The following RTKN variants were observed in gnomAD, a reference collection of about 807,000 sequenced individuals.
RTKN encodes the protein rhotekin.
In RTKN, 49 loss-of-function variants were observed where a neutral mutation model predicts 63.5. The ratio of observed to expected loss-of-function variants is 0.77; its 90% CI spans 0.61 to 0.98. The LOEUF (loss-of-function observed/expected upper bound fraction) is 0.98, where lower values mean the gene tolerates loss of function less well. RTKN is among the 50% of genes least tolerant of loss of function. The probability of loss-of-function intolerance (pLI) is 0.00; values close to 1 mark genes in which losing one functional copy is unlikely to be tolerated. For synonymous variants in RTKN, 295 were observed against 290.4 expected, an observed-to-expected ratio of 1.02 and a Z score of -0.16; for missense variants, 685 against 740.8, an observed-to-expected ratio of 0.92 and a Z score of 0.87.
rs748197311 is a variant in RTKN at position 74,426,197 on chromosome 2, G to C, written c.*46C>G. 1.9e-6 allele frequency: 3 copies of C among 1,550,046 alleles called. No individual in the cohort carries two copies. The highest frequency in any genetic ancestry group is 2.3e-5 in the South Asian group (2 of 88,280). On this transcript the variant is annotated 3_prime_UTR_variant, in exon 12 of 12. Coordinates refer to ENST00000272430, the MANE Select transcript of RTKN (RefSeq NM_001015055.2). ...CGTATCCAGAGCCCAACTGCGCATG[G>C]GTCATTTTCTCTTCTGGGCAGATCC...
chr2:74,437,499 C>G (rs961105436), intron 1 of RTKN, among the ~76,000 whole-genome samples: 2 of 152,096 alleles, frequency 1.3e-5, no homozygotes, highest in African/African-American at 2.4e-5. Flanking sequence ...CTTGAACAGG[C>G]CTTCCACAGA....
chr2:74,439,593 G>A, intron 1 of RTKN: 3 of 1,614,116 alleles, frequency 1.9e-6, no homozygotes, highest in Non-Finnish European at 2.5e-6. Context: ...GCATATTCAG[G>A]TCCTCCAGGA....
intron 1 of RTKN, among the ~76,000 whole-genome samples, chr2:74,438,344 G>A (rs185244679): frequency 2.6e-5 from 4 of 152,130 alleles, no homozygotes; most frequent in African/African-American, 2.4e-5. Flanking sequence ...TCTCCACCAT[G>A]AGCATTTTAA....
intron 10 of RTKN, 59 bp downstream of exon 10, chr2:74,427,365 G>C: frequency 1.2e-6 from 2 of 1,608,018 alleles, no homozygotes; most frequent in South Asian, 2.2e-5. Context: ...GAGGCCTTTA[G>C]TAAAAATGAC....
chr2:74,428,165 C>T, intron 9 of RTKN, 103 bp downstream of exon 9: 1 of 1,496,034 alleles, frequency 6.7e-7, no homozygotes, highest in East Asian at 2.3e-5. Context: ...GAGCAGGAGG[C>T]CTGCTTCTAT....
chr2:74,432,682 G>A lies in RTKN; in HGVS notation c.112-16C>T, dbSNP rs1670826553. 5 of 1,612,918 alleles carry A rather than the reference G, an allele frequency of 3.1e-6. No homozygotes were observed. Among genetic ancestry groups the A allele is most frequent in the Non-Finnish European group, 4.2e-6 (5 of 1,179,088 alleles). ...ACTCCGTGTCCTAGCCAGGGTTGGGGGAAGGGTGAGAAGGAAATGTCAGTC... is the reference window on the plus strand; with the variant it reads ...ACTCCGTGTCCTAGCCAGGGTTGGGAGAAGGGTGAGAAGGAAATGTCAGTC... On this transcript the variant is annotated splice_polypyrimidine_tract_variant and intron_variant, in intron 1 of 11. Coordinates refer to ENST00000272430, the MANE Select transcript of RTKN (RefSeq NM_001015055.2).
chr2:74,430,759 C>A, intron 2 of RTKN, 82 bp from the exon 3 acceptor site: 1 of 1,355,904 alleles, frequency 7.4e-7, no homozygotes, highest in South Asian at 1.3e-5. Flanking sequence ...TAGGATCCCC[C>A]TGATCCCAGC....
chr2:74,436,574 T>C lies in RTKN; in HGVS notation c.112-3908A>G, dbSNP rs922607815. On this transcript the variant is annotated intron_variant, in intron 1 of 11. Coordinates refer to ENST00000272430, the MANE Select transcript of RTKN (RefSeq NM_001015055.2). This position sits in a 1 kb window ranked among gnomAD's most constrained non-coding sequence, Gnocchi z 4.3. ...CCGGGAGGCCCCTCCCGCGTAGCGT[T>C]TGCCCTCCAAGGTGACCCCTTGCCT... 6.6e-6 allele frequency among the ~76,000 whole-genome samples: 1 copy of C among 152,136 alleles called. No homozygotes were observed.
At chr2:74,435,431 T>C (rs1438784580) in intron 1 of RTKN, among the ~76,000 whole-genome samples, 10 of 152,210 alleles carry the variant, frequency 6.6e-5, no homozygotes, top group Admixed American at 5.9e-4. Context: ...AATGACGCTA[T>C]ACTTTGGTGG....
At chr2:74,438,916 T>C (rs1168009485) in intron 1 of RTKN, among the ~76,000 whole-genome samples, 1 of 152,274 alleles carries the variant, frequency 6.6e-6, no homozygotes, top group Non-Finnish European at 1.5e-5. Context: ...AATGGAACTT[T>C]CTTGTCTTAT....
intron 1 of RTKN, 81 bp from the exon 2 acceptor site, chr2:74,432,747 T>G: frequency 3.2e-6 from 4 of 1,262,076 alleles, no homozygotes; most frequent in Non-Finnish European, 4.5e-6. Flanking sequence ...CCAGGTGGGC[T>G]GTGGCCAGTA....
At chr2:74,430,732 T>A in intron 2 of RTKN, 55 bp from the exon 3 acceptor site, 1 of 1,546,178 alleles carries the variant, frequency 6.5e-7, no homozygotes, top group Non-Finnish European at 8.8e-7. Context: ...TCCCCCTTGC[T>A]CTGGTCCCAA....
intron 1 of RTKN, chr2:74,439,706 T>G (rs745627505): frequency 2.3e-4 from 367 of 1,579,006 alleles, no homozygotes; most frequent in Middle Eastern, 5.0e-4. Context: ...CAGTTCCTCC[T>G]CCCACTGTTC....
intron 1 of RTKN, 50 bp from the exon 2 acceptor site, chr2:74,432,716 G>C (rs770993058): frequency 3.9e-6 from 6 of 1,553,354 alleles, no homozygotes; most frequent in Middle Eastern, 1.7e-4. Context: ...TCAGTGGACA[G>C]GCTAAAGCAC....
At chr2:74,441,113 G>A (rs534629255) in intron 1 of RTKN, among the ~76,000 whole-genome samples, 2 of 152,388 alleles carry the variant, frequency 1.3e-5, no homozygotes, top group South Asian at 4.1e-4. Context: ...GCTCAGCCTA[G>A]GGGCTGGACT....
intron 1 of RTKN, among the ~76,000 whole-genome samples, chr2:74,437,091 T>A (rs1029570216): frequency 2.6e-5 from 4 of 152,130 alleles, no homozygotes; most frequent in African/African-American, 4.8e-5. Flanking sequence ...CTACCCTTTT[T>A]TCCCTTCAGA....
rs113220254 is a variant in RTKN at position 74,436,354 on chromosome 2, C to T, written c.112-3688G>A. Among the ~76,000 whole-genome samples the T allele has an allele frequency of 2.0e-3, 306 of 152,358 alleles. 2 individuals carry two copies. Among genetic ancestry groups the T allele is most frequent in the African/African-American group, 6.9e-3 (285 of 41,586 alleles). ...GCCTCCAGCTGCAGCGCTCAGGACG[C>T]CGGTGACATCAGCTCCCAATTGCCG... is the stretch of plus-strand genomic sequence containing the variant. On this transcript the variant is annotated intron_variant, in intron 1 of 11. Coordinates refer to ENST00000272430, the MANE Select transcript of RTKN (RefSeq NM_001015055.2). The surrounding 1 kb of genome is among the most constrained non-coding windows in gnomAD (Gnocchi z 4.3).
intron 1 of RTKN, among the ~76,000 whole-genome samples, chr2:74,433,403 A>G (rs1047860850): frequency 6.6e-6 from 1 of 152,142 alleles, no homozygotes. Flanking sequence ...CCTTTAATTC[A>G]GCTATCCAAT....
At chr2:74,427,397 G>T (rs201292699) in intron 10 of RTKN, 27 bp downstream of exon 10, 622 of 1,612,542 alleles carry the variant, frequency 3.9e-4, no homozygotes, top group Non-Finnish European at 4.9e-4. Flanking sequence ...CTTCCCAAAG[G>T]TTCAACCCAG....
Sources: allele counts gnomAD v4.1 joint callset (sites outside exome capture counted in the v4.1 genomes callset), GRCh38; gene constraint gnomAD v4.1.1; non-coding constraint Gnocchi (gnomAD v3.1); transcripts MANE v1.5; gene names NCBI Gene and HGNC (gene_info 2026-07-23, HGNC 2026-07-21).